Variants in ITPR3 observed in about 807,000 individuals in gnomAD.
ITPR3 encodes inositol 1,4,5-trisphosphate-gated calcium channel ITPR3.
A neutral mutation model predicts 293.2 loss-of-function variants in ITPR3; 173 were observed. The observed-to-expected ratio is 0.59, with a 90% CI of 0.52 to 0.67. ITPR3 has a LOEUF of 0.67. Among genes scored for constraint, ITPR3 ranks in the 30% least tolerant of loss-of-function variants. The pLI, the probability that ITPR3 is intolerant of heterozygous loss-of-function variation, is 0.00. For synonymous variants in ITPR3, 1,295 were observed against 1,444.4 expected (o/e 0.90, Z 2.35); for missense variants, 2,796 against 3,592.1 (o/e 0.78, Z 5.66).
At chr6:33,688,486 T>G in intron 48 of ITPR3, 55 bp downstream of exon 48, 1 of 1,501,530 alleles carries the variant, frequency 6.7e-7, no homozygotes, top group Admixed American at 2.0e-5. Context: ...ACTGATGCCC[T>G]GTTATAACGG....
In ITPR3 at chr6:33,670,653, C is replaced by T; in HGVS notation, c.2442-18C>T. The T allele has an allele frequency of 6.2e-7, 1 of 1,613,928 alleles. No individual in the cohort carries two copies. Among genetic ancestry groups the T allele is most frequent in the Non-Finnish European group, 8.5e-7 (1 of 1,180,000 alleles). On this transcript the variant is annotated intron_variant, in intron 19 of 57. Transcript: ENST00000605930. The surrounding 1 kb of genome is among the most constrained non-coding windows in gnomAD (Gnocchi z 6.7). ...GTGTATCTCGGGGACCTTCATGCCTCATGGCCTCCACCCTCAGCTATGATT... is the reference window on the plus strand; with the variant it reads ...GTGTATCTCGGGGACCTTCATGCCTTATGGCCTCCACCCTCAGCTATGATT...
In ITPR3 at chr6:33,690,026, G is replaced by A. The variant is rs1175022848; in HGVS notation, c.6868-8G>A. 5 of 1,613,964 alleles carry A rather than the reference G, an allele frequency of 3.1e-6. No homozygotes were observed. The highest frequency in any genetic ancestry group is 2.7e-5 in the African/African-American group (2 of 74,912). ...GTGCTGACTCTCATGCCTTGCACTC[G>A]CCCCCAGCTGACCAACAAGATCGTG... On this transcript the variant is annotated splice_region_variant and splice_polypyrimidine_tract_variant and intron_variant, in intron 50 of 57. Coordinates refer to ENST00000605930, the MANE Select transcript of ITPR3 (RefSeq NM_002224.4).
At chr6:33,678,345 T>C in intron 28 of ITPR3, 76 bp from the exon 29 acceptor site, 1 of 1,572,610 alleles carries the variant, frequency 6.4e-7, no homozygotes, top group South Asian at 1.1e-5. Context: ...CCACCCCTGC[T>C]CCTGTCAGAG....
intron 2 of ITPR3, among the ~76,000 whole-genome samples, chr6:33,650,749 A>G (rs1032751744): frequency 6.8e-6 from 1 of 147,230 alleles, no homozygotes; most frequent in Non-Finnish European, 1.5e-5. Flanking sequence ...TCAGTCTGCT[A>G]TGTCATTTTT....
rs1403395480 is a variant in ITPR3, at chr6:33,624,773, G to A, written c.89+3082G>A. On this transcript the variant is annotated intron_variant, in intron 1 of 57. Coordinates refer to ENST00000605930, the MANE Select transcript of ITPR3 (RefSeq NM_002224.4). The surrounding 1 kb of genome is among the most constrained non-coding windows in gnomAD (Gnocchi z 4.7). Reference sequence around the variant, plus strand: ...TGTGTTGAAGGCAGGGGTGGCCTTGGTGGGCAGATGGGCCAGGTCACCTGG... The same window carrying A: ...TGTGTTGAAGGCAGGGGTGGCCTTGATGGGCAGATGGGCCAGGTCACCTGG... Among the ~76,000 whole-genome samples the A allele has an allele frequency of 2.0e-5, 3 of 152,210 alleles. No homozygotes were observed. Among genetic ancestry groups the A allele is most frequent in the Non-Finnish European group, 4.4e-5 (3 of 68,038 alleles).
chr6:33,683,917 G>A lies in ITPR3; in HGVS notation c.4789-103G>A. Reference sequence around the variant, plus strand: ...GTGGGTGTGGGCCCCTCAGACAGAGGCAGGGCAATCTGTGGGGCTGTTTGG... The same window carrying A: ...GTGGGTGTGGGCCCCTCAGACAGAGACAGGGCAATCTGTGGGGCTGTTTGG... On this transcript the variant is annotated intron_variant, in intron 35 of 57. Coordinates refer to ENST00000605930, the MANE Select transcript of ITPR3 (RefSeq NM_002224.4). This position sits in a 1 kb window ranked among gnomAD's most constrained non-coding sequence, Gnocchi z 4.5. 7.6e-7 allele frequency: 1 copy of A among 1,319,952 alleles called. No homozygotes were observed. 81.8% of individuals were successfully genotyped at this position (1,319,952 alleles called of 1,614,324 possible).
chr6:33,646,265 G>A lies in ITPR3; in HGVS notation c.160+5711G>A, dbSNP rs574974216. ...CAACCTCCTTTCCCCTTCTCCAGGG[G>A]CAACCATATAAGAAAATCTAACTAG... On this transcript the variant is annotated intron_variant, in intron 2 of 57. Coordinates refer to ENST00000605930, the MANE Select transcript of ITPR3 (RefSeq NM_002224.4). 3.9e-5 allele frequency among the ~76,000 whole-genome samples: 6 copies of A among 151,978 alleles called. No individual in the cohort carries two copies. The South Asian group carries it at 1.2e-3, about 32-fold the overall frequency.
At chr6:33,640,419 A>G in intron 1 of ITPR3, 65 bp from the exon 2 acceptor site, 1 of 1,485,742 alleles carries the variant, frequency 6.7e-7, no homozygotes, top group Non-Finnish European at 9.2e-7. Flanking sequence ...CCCTGCTCTA[A>G]GGGAAGGGAT....
At chr6:33,622,566 C>T (rs1181086461) in intron 1 of ITPR3, among the ~76,000 whole-genome samples, 3 of 152,164 alleles carry the variant, frequency 2.0e-5, no homozygotes, top group African/African-American at 4.8e-5. Context: ...ATCTTTGTCC[C>T]GTTTACAGTC....
intron 1 of ITPR3, among the ~76,000 whole-genome samples, chr6:33,627,182 G>T (rs1321255139): frequency 6.6e-6 from 1 of 151,982 alleles, no homozygotes; most frequent in African/African-American, 2.4e-5. Context: ...CAGATTCTTG[G>T]TCTTAGCCTA....
At chr6:33,626,390 C>T (rs1763550742) in intron 1 of ITPR3, among the ~76,000 whole-genome samples, 1 of 152,150 alleles carries the variant, frequency 6.6e-6, no homozygotes, top group African/African-American at 2.4e-5. Flanking sequence ...ACTGAATCAC[C>T]ATCTCTAGGG....
rs1048188797 is a variant in ITPR3, at chr6:33,667,115, C to T, written c.1552-14C>T. The T allele has an allele frequency of 1.2e-6, 2 of 1,612,806 alleles. No homozygotes were observed. Among genetic ancestry groups the T allele is most frequent in the Admixed American group, 3.3e-5 (2 of 59,918 alleles). The stretch of plus-strand genomic sequence containing the variant: ...GTGTTGGGGAATCAGTCCTCACCCT[C>T]TGTATTCCCCCAGGTCTTTGGCATT... On this transcript the variant is annotated splice_polypyrimidine_tract_variant and intron_variant, in intron 14 of 57. Transcript: ENST00000605930. The surrounding 1 kb of genome is among the most constrained non-coding windows in gnomAD (Gnocchi z 4.4).
In ITPR3 at chr6:33,659,477, G is replaced by T. The variant is rs549788742; in HGVS notation, c.639G>T (p.Val213=). The change falls in exon 7 of 58, where the codon GTG becomes GTT. Residue 213 remains valine (V), a synonymous_variant. Coordinates refer to ENST00000605930, the MANE Select transcript of ITPR3 (RefSeq NM_002224.4). ...TCACCCTTCCGCAGGTCAATTCTGTGAACTGCAACACCAGCTGGAAGATCA... is the reference window on the plus strand; with the variant it reads ...TCACCCTTCCGCAGGTCAATTCTGTTAACTGCAACACCAGCTGGAAGATCA... ...DNAGCKEVNS[V]NCNTSWKINL... The T allele has an allele frequency of 6.2e-7, 1 of 1,614,080 alleles. No homozygotes were observed. The highest frequency in any genetic ancestry group is 1.3e-5 in the African/African-American group (1 of 75,040).
chr6:33,684,426 G>C lies in ITPR3; in HGVS notation c.5007G>C (p.Leu1669=), dbSNP rs1383848983. ...TGTGCATCAAGGTGCTGCGGACCCTGCAGCAGATGCTGCTCAAGAAGACCA... is the reference window on the plus strand; with the variant it reads ...TGTGCATCAAGGTGCTGCGGACCCTCCAGCAGATGCTGCTCAAGAAGACCA... The part of the protein sequence containing the change: ...EKLCIKVLRT[L]QQMLLKKTKY... Residue 1669 remains leucine, a synonymous_variant, in exon 37 of 58, where the codon CTG becomes CTC. Coordinates refer to ENST00000605930, the MANE Select transcript of ITPR3 (RefSeq NM_002224.4). This position sits in a 1 kb window ranked among gnomAD's most constrained non-coding sequence, Gnocchi z 4.2. 2 of 1,614,010 alleles carry C rather than the reference G, an allele frequency of 1.2e-6. No individual in the cohort carries two copies. Among genetic ancestry groups the C allele is most frequent in the African/African-American group, 2.7e-5 (2 of 74,918 alleles).
intron 30 of ITPR3, 142 bp downstream of exon 30, chr6:33,678,981 G>A: frequency 1.2e-6 from 1 of 851,084 alleles, no homozygotes. Flanking sequence ...AGGGGACGCA[G>A]AGGGAGAAGT....
chr6:33,627,729 T>A (rs1191869378), intron 1 of ITPR3, among the ~76,000 whole-genome samples: 1 of 152,216 alleles, frequency 6.6e-6, no homozygotes, highest in African/African-American at 2.4e-5. Context: ...CAGAACTTGG[T>A]GCCACAGAGG....
Position 33,677,669 on chromosome 6 carries a change from T to A in ITPR3, c.3648+40T>A, listed in dbSNP as rs768131648. ...TGACCTCTGACTCCCCAGGGTGGCTTCCCCCTGAACCCCGGCCTGACCTGT... is the reference window on the plus strand; with the variant it reads ...TGACCTCTGACTCCCCAGGGTGGCTACCCCCTGAACCCCGGCCTGACCTGT... On this transcript the variant is annotated intron_variant, in intron 28 of 57. Transcript: ENST00000605930. 5.6e-6 allele frequency: 9 copies of A among 1,605,906 alleles called. No homozygotes were observed. In the African/African-American group the frequency reaches 9.4e-5, roughly 17 times the overall value.
intron 56 of ITPR3, 103 bp downstream of exon 56, chr6:33,693,808 G>A: frequency 7.3e-7 from 1 of 1,363,194 alleles, no homozygotes; most frequent in Non-Finnish European, 1.0e-6. Context: ...AGTACCCTGG[G>A]CCCTGGAGAG....
In ITPR3 at chr6:33,621,396, G is replaced by T. The variant is rs1388525520; in HGVS notation, c.-207G>T. The T allele has an allele frequency of 6.5e-6, 2 of 309,946 alleles. No individual in the cohort carries two copies. The highest frequency in any genetic ancestry group is 2.2e-5 in the African/African-American group (1 of 45,302). 19.2% of individuals were successfully genotyped at this position (309,946 alleles called of 1,614,324 possible). On this transcript the variant is annotated 5_prime_UTR_variant, in exon 1 of 58. Transcript: ENST00000605930. The surrounding 1 kb of genome is among the most constrained non-coding windows in gnomAD (Gnocchi z 7.7). ...GGGCGGGCGGCGGGCGCGCCAAGAC[G>T]TGGGCACCTCCTCACCCGGACCCCG...
Sources: gnomAD v4.1 joint callset for allele counts (sites outside exome capture counted in the v4.1 genomes callset) on GRCh38, gnomAD v4.1.1 for gene constraint, Gnocchi (gnomAD v3.1) non-coding constraint, MANE v1.5 for transcripts, NCBI Gene and HGNC (gene_info 2026-07-23, HGNC 2026-07-21) for gene names.